PHF20L1: variants seen among roughly 807,000 people sequenced by gnomAD.
PHF20L1 encodes the protein PHD finger protein 20-like protein 1.
PHF20L1 carries 44 observed loss-of-function variants against 125.5 expected under a neutral mutation model. That is an observed-to-expected ratio of 0.35 (90% CI 0.28 to 0.45). The LOEUF (loss-of-function observed/expected upper bound fraction) is 0.45. Ranked by LOEUF, PHF20L1 falls within the 20% of genes least tolerant of loss-of-function variation. The pLI is 1.00. For missense variants in PHF20L1, 1,012 were observed against 1,217.2 expected, an observed-to-expected ratio of 0.83 and a Z score of 2.51; for synonymous variants, 380 against 403.1, an observed-to-expected ratio of 0.94 and a Z score of 0.69.
At chr8:132,801,823 C>T (rs996898612) in intron 6 of PHF20L1, among the ~76,000 whole-genome samples, 6 of 151,822 alleles carry the variant, frequency 4.0e-5, no homozygotes, top group African/African-American at 1.2e-4. Context: ...CACAGAGCTA[C>T]AGTGATTCCC....
chr8:132,800,613 T>A lies in PHF20L1; in HGVS notation c.507+1441T>A, dbSNP rs16904738. Among the ~76,000 whole-genome samples, 595 of 151,860 alleles carry A rather than the reference T, an allele frequency of 3.9e-3. 8 individuals are homozygous for A. The highest frequency in any genetic ancestry group is 0.013 in the African/African-American group (557 of 41,506). On this transcript the variant is annotated intron_variant, in intron 6 of 20. Transcript: ENST00000395386. ...AGCAAAGAGTAGTGCAACAAATTAA[T>A]GCACTGTGGAAATGCTCTTCCTGAA...
At chr8:132,831,113 A>T (rs1266681254) in intron 14 of PHF20L1, among the ~76,000 whole-genome samples, 2 of 151,850 alleles carry the variant, frequency 1.3e-5, no homozygotes, top group African/African-American at 4.8e-5. Flanking sequence ...CCTGCATTCC[A>T]TCCTCCATTC....
chr8:132,843,778 T>C (rs902100684), intron 19 of PHF20L1: 11 of 985,226 alleles, frequency 1.1e-5, no homozygotes, highest in Non-Finnish European at 1.2e-5. Flanking sequence ...TTGATTTCTT[T>C]TCATCATTGC....
At chr8:132,809,710 T>C (rs1279580147) in intron 8 of PHF20L1, 2 of 152,020 alleles carry the variant, frequency 1.3e-5, no homozygotes, top group Admixed American at 1.3e-4. Context: ...GGAGCAAAGT[T>C]TTTGTGTGGC....
intron 4 of PHF20L1, 152 bp downstream of exon 4, chr8:132,794,969 T>C (rs1037347954): frequency 6.4e-5 from 38 of 597,716 alleles, no homozygotes; most frequent in African/African-American, 3.6e-4. Flanking sequence ...TGATTTGTTA[T>C]GTGTTATCGA....
intron 19 of PHF20L1, 169 bp downstream of exon 19, chr8:132,843,044 CA>C: frequency 7.5e-7 from 1 of 1,338,612 alleles, no homozygotes; most frequent in Non-Finnish European, 9.6e-7. Context: ...AAACACTGGC[CA>C]TTTGAACATT....
At chr8:132,823,635 C>T (rs1203036198) in intron 12 of PHF20L1, among the ~76,000 whole-genome samples, 3 of 151,856 alleles carry the variant, frequency 2.0e-5, no homozygotes, top group Non-Finnish European at 4.4e-5. Flanking sequence ...AGACATCTTC[C>T]ACATTTTGAC....
chr8:132,814,949 G>C, intron 10 of PHF20L1, 60 bp downstream of exon 10: 1 of 1,262,262 alleles, frequency 7.9e-7, no homozygotes, highest in Non-Finnish European at 1.1e-6. Flanking sequence ...AAAACAGTTT[G>C]ATTGTAGTTA....
At chr8:132,815,170 G>T (rs1586968677) in intron 10 of PHF20L1, 1 of 234,936 alleles carries the variant, frequency 4.3e-6, no homozygotes, top group East Asian at 8.2e-5. Flanking sequence ...TGAGAGGCCT[G>T]ATTCATTACA....
chr8:132,778,882 T>C (rs912824198), intron 2 of PHF20L1, among the ~76,000 whole-genome samples: 1 of 152,228 alleles, frequency 6.6e-6, no homozygotes, highest in African/African-American at 2.4e-5. Flanking sequence ...TTAGCAGCTC[T>C]TGGACTTTCC....
chr8:132,843,011 A>T, intron 19 of PHF20L1, 136 bp downstream of exon 19: 1 of 1,404,978 alleles, frequency 7.1e-7, no homozygotes, highest in Admixed American at 3.0e-5. Flanking sequence ...AAGTAAGGAG[A>T]TTTTTTTGTT....
At chr8:132,822,998 G>A (rs1016460084) in intron 12 of PHF20L1, among the ~76,000 whole-genome samples, 2 of 151,846 alleles carry the variant, frequency 1.3e-5, no homozygotes, top group African/African-American at 4.8e-5. Flanking sequence ...ATTAGCATTG[G>A]GAATGGTTGA....
intron 5 of PHF20L1, 93 bp from the exon 6 acceptor site, chr8:132,799,002 A>G: frequency 8.2e-7 from 1 of 1,217,866 alleles, no homozygotes; most frequent in Non-Finnish European, 1.2e-6. Flanking sequence ...CAGCAAGAAA[A>G]GGAAGCTTAG....
Position 132,847,828 on chromosome 8 carries a change from T to C in PHF20L1, c.*1905T>C, listed in dbSNP as rs986517615. 2 of 152,560 alleles carry C rather than the reference T, an allele frequency of 1.3e-5. No individual in the cohort carries two copies. The highest frequency in any genetic ancestry group is 4.8e-5 in the African/African-American group (2 of 41,464). 9.5% of individuals were successfully genotyped at this position (152,560 alleles called of 1,614,324 possible). On this transcript the variant is annotated 3_prime_UTR_variant, in exon 21 of 21. Coordinates refer to ENST00000395386, the MANE Select transcript of PHF20L1 (RefSeq NM_016018.5). ...GTATTGTGGGGTAATTGCTTAAATT[T>C]ACATATCAAAGTAAAAAAGTAGTGC...
intron 8 of PHF20L1, chr8:132,807,769 G>A: frequency 2.2e-6 from 1 of 455,702 alleles, no homozygotes; most frequent in South Asian, 1.6e-5. Flanking sequence ...ATACTGGAAG[G>A]TTGTAACTTT....
At chr8:132,825,102 A>G in intron 13 of PHF20L1, 162 bp from the exon 14 acceptor site, 1 of 1,528,164 alleles carries the variant, frequency 6.5e-7, no homozygotes, top group Non-Finnish European at 8.9e-7. Flanking sequence ...TAAGCTTATC[A>G]GGACTTCCAG....
At chr8:132,845,731 C>T in intron 20 of PHF20L1, 50 bp from the exon 21 acceptor site, 1 of 1,305,038 alleles carries the variant, frequency 7.7e-7, no homozygotes, top group South Asian at 1.2e-5. Context: ...CATTTTCTGA[C>T]TGTTCTTCCA....
intron 20 of PHF20L1, among the ~76,000 whole-genome samples, chr8:132,845,277 G>C (rs993049518): frequency 6.6e-6 from 1 of 152,026 alleles, no homozygotes; most frequent in East Asian, 1.9e-4. Flanking sequence ...TGTTAAAATA[G>C]TGGAACTGAA....
At chr8:132,808,347 T>C (rs569395725) in intron 8 of PHF20L1, 2 of 152,288 alleles carry the variant, frequency 1.3e-5, no homozygotes, top group East Asian at 1.9e-4. Flanking sequence ...CTAATGTAAA[T>C]CCATATGTTA....
Sources: gnomAD v4.1 joint callset for allele counts (sites outside exome capture counted in the v4.1 genomes callset) on GRCh38, gnomAD v4.1.1 for gene constraint, MANE v1.5 for transcripts, NCBI Gene and HGNC (gene_info 2026-07-23, HGNC 2026-07-21) for gene names.